The following DNAH6 variants were observed in gnomAD, a reference collection of about 807,000 sequenced individuals.
DNAH6 encodes axonemal beta dynein heavy chain 6.
A neutral mutation model predicts 491.4 loss-of-function variants in DNAH6; 340 were observed. The ratio of observed to expected loss-of-function variants is 0.69; its 90% confidence interval spans 0.63 to 0.76. DNAH6 has a LOEUF of 0.76. Ranked by LOEUF, DNAH6 falls within the 30% of genes least tolerant of loss-of-function variation. The pLI is 0.00. For synonymous variants in DNAH6, 1,603 were observed against 1,686.1 expected (o/e 0.95, Z 1.21); for missense variants, 4,443 against 4,972.2 (o/e 0.89, Z 3.20).
At chr2:84,515,593 A>T (rs1438794273), upstream of DNAH6, among the ~76,000 whole-genome samples, 1 of 152,254 alleles carries the variant, frequency 6.6e-6, no homozygotes, top group Non-Finnish European at 1.5e-5. Flanking sequence ...TATCAAGGTA[A>T]CAAAGAGCAA....
chr2:84,677,990 AGGATGT>A (rs1693420965), intron 41 of DNAH6, among the ~76,000 whole-genome samples: 1 of 152,198 alleles, frequency 6.6e-6, no homozygotes, highest in African/African-American at 2.4e-5. Flanking sequence ...GTGATGCCCA[AGGATGT>A]GGCAATTAAG....
At chr2:84,502,649 A>G in the DNAH6 span, among the ~76,000 whole-genome samples, 528 of 152,290 alleles carry the variant, frequency 3.5e-3, 2 homozygotes, top group African/African-American at 0.012. Flanking sequence ...ATTGGAGCCT[A>G]TCCTAGCTCT....
At chr2:84,741,406 G>A (rs1672515959) in intron 62 of DNAH6, among the ~76,000 whole-genome samples, 1 of 152,100 alleles carries the variant, frequency 6.6e-6, no homozygotes, top group African/African-American at 2.4e-5. Flanking sequence ...TCCTAGGTAT[G>A]AGTAGGATGA....
At chr2:84,710,471 T>C (rs550266682) in intron 56 of DNAH6, 59 bp downstream of exon 56, 1 of 1,513,666 alleles carries the variant, frequency 6.6e-7, no homozygotes. Context: ...ATATCTGGAA[T>C]CCTATATAGG....
At chr2:84,809,939 A>T (rs994742679) in intron 72 of DNAH6, among the ~76,000 whole-genome samples, 3 of 152,044 alleles carry the variant, frequency 2.0e-5, no homozygotes, top group African/African-American at 7.2e-5. Context: ...GCCCAGCCTC[A>T]AGGGTGGCTG....
upstream of DNAH6, among the ~76,000 whole-genome samples, chr2:84,511,969 A>C (rs2104381783): frequency 6.6e-6 from 1 of 152,258 alleles, no homozygotes; most frequent in Non-Finnish European, 1.5e-5. Flanking sequence ...ATTTTGTATG[A>C]TTGCAGAATT....
At chr2:84,683,331 A>G (rs1693969323) in intron 42 of DNAH6, among the ~76,000 whole-genome samples, 1 of 151,850 alleles carries the variant, frequency 6.6e-6, no homozygotes, top group Non-Finnish European at 1.5e-5. Flanking sequence ...TTTGTATACA[A>G]GGACACTAAC....
At chr2:84,749,743 G>C (rs1673289456) in intron 63 of DNAH6, among the ~76,000 whole-genome samples, 1 of 152,188 alleles carries the variant, frequency 6.6e-6, no homozygotes, top group South Asian at 2.1e-4. Context: ...TACCAGGTTG[G>C]ATGGTGAAAA....
intron 35 of DNAH6, among the ~76,000 whole-genome samples, chr2:84,657,625 A>G (rs1189946303): frequency 5.3e-5 from 8 of 152,032 alleles, no homozygotes; most frequent in Non-Finnish European, 1.2e-4. Flanking sequence ...TTGCTGGTGT[A>G]TAACAAAATG....
chr2:84,504,201 A>G, the DNAH6 span, among the ~76,000 whole-genome samples: 1 of 152,118 alleles, frequency 6.6e-6, no homozygotes, highest in African/African-American at 2.4e-5. Flanking sequence ...ACTCTAATGC[A>G]TTCTTCAGTA....
intron 61 of DNAH6, among the ~76,000 whole-genome samples, chr2:84,733,232 A>G (rs1699262105): frequency 6.6e-6 from 1 of 152,206 alleles, no homozygotes; most frequent in Admixed American, 6.5e-5. Context: ...GTAAATGTCA[A>G]TCTGAAAAGT....
chr2:84,655,093 AGCCT>A (rs1002598419), intron 35 of DNAH6, among the ~76,000 whole-genome samples: 6 of 152,098 alleles, frequency 3.9e-5, no homozygotes, highest in Admixed American at 6.6e-5. Flanking sequence ...CAGCTACAAC[AGCCT>A]GAGGCATTGA....
rs545198627 is a variant in DNAH6, at chr2:84,596,926, A to G, written c.2868+1137A>G. 1.3e-4 allele frequency among the ~76,000 whole-genome samples: 20 copies of G among 152,292 alleles called. No homozygotes were observed. In the South Asian group the frequency reaches 4.1e-3, roughly 32 times the overall value. ...TTGGGTTCCCTCGAAATCCTAGTTT[A>G]TATTTTTTTAAACTTGAATACAGTA... is the stretch of plus-strand genomic sequence containing the variant. On this transcript the variant is annotated intron_variant, in intron 18 of 76. Transcript: ENST00000389394.
intron 64 of DNAH6, among the ~76,000 whole-genome samples, chr2:84,774,590 A>T (rs190631497): frequency 1.3e-5 from 2 of 151,682 alleles, no homozygotes; most frequent in East Asian, 3.9e-4. Context: ...TTTTGCAGTG[A>T]TATGGGTAGT....
chr2:84,700,090 G>A (rs1456514034), intron 48 of DNAH6, among the ~76,000 whole-genome samples: 1 of 152,200 alleles, frequency 6.6e-6, no homozygotes, highest in East Asian at 1.9e-4. Flanking sequence ...TGGGGCAAGA[G>A]CTAGGGGACA....
chr2:84,653,763 A>C lies in DNAH6; in HGVS notation c.5523A>C (p.Val1841=). 6.4e-7 allele frequency: 1 copy of C among 1,551,414 alleles called. No individual in the cohort carries two copies. Among genetic ancestry groups the C allele is most frequent in the African/African-American group, 1.4e-5 (1 of 73,130 alleles). The change falls in exon 34 of 77, where the codon GTA becomes GTC. Residue 1841 remains valine (V), a synonymous_variant. Transcript: ENST00000389394. ...AATGGATCATCAGTGATGGGCCAGT[A>C]GATGCTCTTTGGATTGAAAACATGA... is the stretch of plus-strand genomic sequence containing the variant. ...DHKWIISDGP[V]DALWIENMNT...
In DNAH6 at chr2:84,763,006, T is replaced by C. The variant is rs570604602; in HGVS notation, c.10703+61T>C. 5.9e-6 allele frequency: 8 copies of C among 1,359,886 alleles called. No individual in the cohort carries two copies. The East Asian group carries it at 7.5e-5, about 13-fold the overall frequency. 84.2% of individuals were successfully genotyped at this position (1,359,886 alleles called of 1,614,324 possible). ...GCATATGAACATCTCTTTGTTAAAA[T>C]TTGCCTTTGTTCTTCCCCTTGTAGA... On this transcript the variant is annotated intron_variant, in intron 64 of 76. Transcript: ENST00000389394.
intron 64 of DNAH6, among the ~76,000 whole-genome samples, chr2:84,775,059 A>G (rs974810499): frequency 1.3e-5 from 2 of 152,100 alleles, no homozygotes; most frequent in African/African-American, 4.8e-5. Flanking sequence ...AGGAGTGATG[A>G]GAGTAGGAAT....
intron 28 of DNAH6, 122 bp from the exon 29 acceptor site, chr2:84,624,780 G>T: frequency 8.1e-7 from 1 of 1,229,998 alleles, no homozygotes; most frequent in East Asian, 2.6e-5. Context: ...TGGATCTTTT[G>T]GTGTATTTCA....
Sources: allele counts gnomAD v4.1 joint callset (sites outside exome capture counted in the v4.1 genomes callset), GRCh38; gene constraint gnomAD v4.1.1; transcripts MANE v1.5; gene names NCBI Gene and HGNC (gene_info 2026-07-23, HGNC 2026-07-21).